The following SCHIP1 variants were observed in gnomAD, a reference collection of about 807,000 sequenced individuals.
SCHIP1 encodes the protein schwannomin-interacting protein 1.
In SCHIP1, 8 loss-of-function variants were observed where a neutral mutation model predicts 29.7. The observed-to-expected ratio is 0.27, with a 90% CI of 0.16 to 0.49. The LOEUF (loss-of-function observed/expected upper bound fraction) is 0.49. Among genes scored for constraint, SCHIP1 ranks in the 20% least tolerant of loss-of-function variants. SCHIP1 has a pLI of 0.99. For synonymous variants in SCHIP1, 76 were observed against 94.9 expected (o/e 0.80, Z 1.16); for missense variants, 193 against 294.6 (o/e 0.66, Z 2.52).
At chr3:159,828,476 C>CACATACACAT in the SCHIP1 span, among the ~76,000 whole-genome samples, 2 of 111,022 alleles carry the variant, frequency 1.8e-5, no homozygotes, top group African/African-American at 6.6e-5. Flanking sequence ...TATATACACA[C>CACATACACAT]ACATACACAT....
At chr3:159,733,189 T>A in the SCHIP1 span, among the ~76,000 whole-genome samples, 5 of 152,168 alleles carry the variant, frequency 3.3e-5, no homozygotes, top group African/African-American at 1.2e-4. Flanking sequence ...TTTAAGCTAA[T>A]TACTGCTCCG....
chr3:159,624,302 C>T, the SCHIP1 span, among the ~76,000 whole-genome samples: 1 of 152,186 alleles, frequency 6.6e-6, no homozygotes, highest in African/African-American at 2.4e-5. Context: ...GACGCCAAGA[C>T]CATACTTTAA....
the SCHIP1 span, among the ~76,000 whole-genome samples, chr3:159,779,308 TTGAA>T: frequency 2.0e-5 from 3 of 152,128 alleles, no homozygotes; most frequent in South Asian, 4.2e-4. Context: ...TGTTGACTGA[TTGAA>T]TGGTCAGAAT....
the SCHIP1 span, among the ~76,000 whole-genome samples, chr3:159,407,855 A>G: frequency 6.6e-6 from 1 of 152,320 alleles, no homozygotes; most frequent in Non-Finnish European, 1.5e-5. Flanking sequence ...AAAACAAAAC[A>G]TACCAAGACC....
chr3:159,690,767 A>G, the SCHIP1 span, among the ~76,000 whole-genome samples: 523 of 152,298 alleles, frequency 3.4e-3, 5 homozygotes, highest in African/African-American at 0.012. Flanking sequence ...ACTGCTTTAG[A>G]TGTCTCCCAG....
At chr3:159,696,101 G>A in the SCHIP1 span, among the ~76,000 whole-genome samples, 36 of 152,078 alleles carry the variant, frequency 2.4e-4, no homozygotes, top group African/African-American at 8.7e-4. Flanking sequence ...TTTTTCCAAA[G>A]CATATGTCAC....
the SCHIP1 span, among the ~76,000 whole-genome samples, chr3:159,280,507 A>G: frequency 1.3e-5 from 2 of 152,132 alleles, no homozygotes; most frequent in Admixed American, 6.5e-5. Flanking sequence ...GGGTTTTCTC[A>G]TCTGTAAAAT....
intron 2 of SCHIP1, among the ~76,000 whole-genome samples, chr3:159,871,886 C>A (rs1405297616): frequency 6.6e-6 from 1 of 152,132 alleles, no homozygotes; most frequent in Admixed American, 6.6e-5. Flanking sequence ...GGGCAGATAG[C>A]AGGGCAAGAG....
chr3:159,494,352 G>A, the SCHIP1 span, among the ~76,000 whole-genome samples: 37,796 of 151,862 alleles, frequency 0.25, 5,411 homozygotes, highest in African/African-American at 0.39. Flanking sequence ...TTGATAGACC[G>A]CTAGCAAGAC....
chr3:159,834,453 C>T, the SCHIP1 span, among the ~76,000 whole-genome samples: 1 of 152,174 alleles, frequency 6.6e-6, no homozygotes, highest in Admixed American at 6.5e-5. Context: ...TACCAAACTT[C>T]TCGAGGGCAG....
chr3:159,839,856 G>A (rs1744047146), upstream of SCHIP1: 1 of 1,358,968 alleles, frequency 7.4e-7, no homozygotes, highest in Non-Finnish European at 9.4e-7. Flanking sequence ...GCTCCAGACT[G>A]ATCCTTTTCT....
chr3:159,796,219 C>G, the SCHIP1 span, among the ~76,000 whole-genome samples: 5 of 152,110 alleles, frequency 3.3e-5, no homozygotes, highest in Non-Finnish European at 7.3e-5. Context: ...AGAATGCATT[C>G]TAGTGGGGAG....
the SCHIP1 span, among the ~76,000 whole-genome samples, chr3:159,782,602 C>T: frequency 6.0e-5 from 9 of 150,168 alleles, no homozygotes; most frequent in South Asian, 2.1e-4. Flanking sequence ...TGAATGTTCC[C>T]ACCACCACTC....
chr3:159,363,212 G>A, the SCHIP1 span, among the ~76,000 whole-genome samples: 1 of 152,234 alleles, frequency 6.6e-6, no homozygotes, highest in East Asian at 1.9e-4. Flanking sequence ...GTAAAAAGTA[G>A]CATCAAGTGA....
chr3:159,589,838 GC>G, the SCHIP1 span, among the ~76,000 whole-genome samples: 199 of 145,824 alleles, frequency 1.4e-3, no homozygotes, highest in Admixed American at 5.1e-3. Context: ...GTTAGTGCTA[GC>G]CCAAATATCA....
At chr3:159,372,533 T>C in the SCHIP1 span, among the ~76,000 whole-genome samples, 2 of 152,142 alleles carry the variant, frequency 1.3e-5, no homozygotes, top group East Asian at 3.8e-4. Context: ...TCACATTTAC[T>C]TTACATTTTA....
chr3:159,492,600 T>C, the SCHIP1 span, among the ~76,000 whole-genome samples: 6 of 152,070 alleles, frequency 3.9e-5, no homozygotes, highest in Non-Finnish European at 7.4e-5. Flanking sequence ...ATGGGACTAT[T>C]TGAAAAGACC....
chr3:159,840,199 T>C, exon 1 of SCHIP1: 5 of 1,535,754 alleles, frequency 3.3e-6, no homozygotes, highest in Non-Finnish European at 4.4e-6. Context: ...TACATCAGGA[T>C]AACTGCTCGT....
At chr3:159,464,575 T>C in the SCHIP1 span, among the ~76,000 whole-genome samples, 4 of 152,158 alleles carry the variant, frequency 2.6e-5, no homozygotes. Flanking sequence ...TTATAAAAGG[T>C]TCATGGTAAA....
Sources: gnomAD v4.1 joint callset for allele counts (sites outside exome capture counted in the v4.1 genomes callset) on GRCh38, gnomAD v4.1.1 for gene constraint, MANE v1.5 for transcripts, NCBI Gene and HGNC (gene_info 2026-07-23, HGNC 2026-07-21) for gene names.